The following MGST3 variants were observed in gnomAD, a reference collection of about 807,000 sequenced individuals.
The protein encoded by MGST3 is microsomal glutathione S-transferase 3.
In MGST3, 13 loss-of-function variants were observed where a neutral mutation model predicts 15.8. The observed-to-expected ratio is 0.82, with a 90% CI of 0.54 to 1.31. The LOEUF is 1.31. MGST3 is among the 50% of genes most tolerant of loss of function. The probability of loss-of-function intolerance (pLI) is 0.00; values close to 1 mark genes in which losing one functional copy is unlikely to be tolerated. For missense variants in MGST3, 155 were observed against 192.4 expected, an observed-to-expected ratio of 0.81 and a Z score of 1.15; for synonymous variants, 49 against 68.1, an observed-to-expected ratio of 0.72 and a Z score of 1.38.
rs1648700842 is a variant in MGST3 at position 165,656,121 on chromosome 1, TTAAG to T, written c.*619_*622del. ...AGACCCTGTCTCAAATAAATAAAAA[TTAAG>T]TTTCTATTAAAGATTGTTTCTGTTG... On this transcript the variant is annotated 3_prime_UTR_variant, in exon 6 of 6. Transcript: ENST00000367889. 1 of 152,702 alleles carries T rather than the reference TTAAG, an allele frequency of 6.5e-6. No individual in the cohort carries two copies. Among genetic ancestry groups the T allele is most frequent in the Non-Finnish European group, 1.5e-5 (1 of 68,480 alleles). 9.5% of individuals were successfully genotyped at this position (152,702 alleles called of 1,614,324 possible). A position where few individuals can be genotyped will look rare whatever the true frequency, so the allele number is the denominator to read the frequency against.
rs571635883 is a variant in MGST3, at chr1:165,639,225, G to A, written c.-8+7932G>A. Among the ~76,000 whole-genome samples the A allele has an allele frequency of 4.6e-5, 7 of 152,220 alleles. No homozygotes were observed. The South Asian group carries it at 1.2e-3, about 27-fold the overall frequency. On this transcript the variant is annotated intron_variant, in intron 1 of 5. Coordinates refer to ENST00000367889, the MANE Select transcript of MGST3 (RefSeq NM_004528.4). ...GAACGTTGCAGAGGACTTTCCCCTC[G>A]GTGCTTCCCGTACTGGGGGAAGAGG...
At chr1:165,632,589 A>G (rs989199778) in intron 1 of MGST3, among the ~76,000 whole-genome samples, 1 of 152,226 alleles carries the variant, frequency 6.6e-6, no homozygotes, top group Non-Finnish European at 1.5e-5. Flanking sequence ...CTCCTGACAC[A>G]ATGTTACGGA....
rs539883184 is a variant in MGST3 at position 165,653,055 on chromosome 1, T to C, written c.249+1020T>C. 1.6e-4 allele frequency among the ~76,000 whole-genome samples: 24 copies of C among 152,372 alleles called. No individual in the cohort carries two copies. In the South Asian group the frequency reaches 4.6e-3, roughly 29 times the overall value. ...GTTCATCCTGAATGCCTTGTACTTT[T>C]GTTAAAAAGCTGCCAGAATGGCATA... is the stretch of plus-strand genomic sequence containing the variant. On this transcript the variant is annotated intron_variant, in intron 4 of 5. Transcript: ENST00000367889.
intron 1 of MGST3, chr1:165,632,038 G>T (rs1263584782): frequency 1.8e-6 from 1 of 540,686 alleles, no homozygotes; most frequent in Non-Finnish European, 3.4e-6. Context: ...GGCGGTGGAA[G>T]GCGCTGGAGA....
At chr1:165,646,628 G>C (rs941890158) in intron 1 of MGST3, 1 of 152,210 alleles carries the variant, frequency 6.6e-6, no homozygotes, top group African/African-American at 2.4e-5. Context: ...ACCAGACACT[G>C]TGCCAGATGA....
rs1648692813 is a variant in MGST3 at position 165,655,764 on chromosome 1, AAAGTCT to A, written c.*261_*266del. 2.0e-6 allele frequency: 1 copy of A among 492,702 alleles called. No individual in the cohort carries two copies. Among genetic ancestry groups the A allele is most frequent in the East Asian group, 3.8e-5 (1 of 26,284 alleles). 30.5% of individuals were successfully genotyped at this position (492,702 alleles called of 1,614,324 possible). A position where few individuals can be genotyped will look rare whatever the true frequency, so the allele number is the denominator to read the frequency against. On this transcript the variant is annotated 3_prime_UTR_variant, in exon 6 of 6. Coordinates refer to ENST00000367889, the MANE Select transcript of MGST3 (RefSeq NM_004528.4). ...CTTCTGTAGTATGTGAGGTTGAGAAAAAGTCTGATTGTGGTGATGTAGGTATAGTCA... is the reference window on the plus strand; with the variant it reads ...CTTCTGTAGTATGTGAGGTTGAGAAAGATTGTGGTGATGTAGGTATAGTCA...
At chr1:165,643,181 A>G (rs1350515592) in intron 1 of MGST3, among the ~76,000 whole-genome samples, 1 of 152,102 alleles carries the variant, frequency 6.6e-6, no homozygotes, top group Non-Finnish European at 1.5e-5. Flanking sequence ...CTGTATATTG[A>G]GCCTGTTTTA....
At chr1:165,643,171 C>G (rs1242539545) in intron 1 of MGST3, among the ~76,000 whole-genome samples, 1 of 152,064 alleles carries the variant, frequency 6.6e-6, no homozygotes, top group Non-Finnish European at 1.5e-5. Context: ...ACTCAACCTG[C>G]TGTATATTGA....
chr1:165,652,632 T>A (rs368360008), intron 4 of MGST3, among the ~76,000 whole-genome samples: 10 of 152,120 alleles, frequency 6.6e-5, no homozygotes, highest in Admixed American at 2.0e-4. Context: ...TAAGCAAGTA[T>A]AAAAGGAGGT....
intron 1 of MGST3, chr1:165,631,980 G>A: frequency 4.7e-6 from 2 of 426,436 alleles, no homozygotes; most frequent in Non-Finnish European, 8.5e-6. Context: ...TTCTTTATGT[G>A]GGGTGGCAGC....
intron 4 of MGST3, chr1:165,654,072 C>T: frequency 3.5e-6 from 2 of 566,218 alleles, no homozygotes; most frequent in Admixed American, 5.2e-5. Context: ...CTCCCAGGTC[C>T]ACAAGCCAAG....
chr1:165,655,252 A>C (rs1478893785), intron 5 of MGST3, 116 bp from the exon 6 acceptor site: 8 of 1,347,544 alleles, frequency 5.9e-6, no homozygotes, highest in Non-Finnish European at 8.3e-6. Context: ...TTAACCTCCT[A>C]AGGCCAGTTT....
rs188280692 is a variant in MGST3 at position 165,640,636 on chromosome 1, T to C, written c.-7-9205T>C. On this transcript the variant is annotated intron_variant, in intron 1 of 5. Transcript: ENST00000367889. The stretch of plus-strand genomic sequence containing the variant: ...GACTGAGGTATGTTTTAACAAACTC[T>C]CCAGGTGATTTTAATGCCACCAAAG... Among the ~76,000 whole-genome samples, 611 of 152,256 alleles carry C rather than the reference T, an allele frequency of 4.0e-3. 6 individuals carry two copies. The highest frequency in any genetic ancestry group is 0.014 in the African/African-American group (575 of 41,552).
intron 5 of MGST3, 59 bp from the exon 6 acceptor site, chr1:165,655,309 T>C: frequency 6.2e-7 from 1 of 1,605,192 alleles, no homozygotes; most frequent in African/African-American, 1.3e-5. Context: ...CTTGCGAATG[T>C]TGAAAGCATC....
chr1:165,651,129 TG>T, intron 3 of MGST3, 42 bp downstream of exon 3: 1 of 1,575,272 alleles, frequency 6.3e-7, no homozygotes, highest in Non-Finnish European at 8.7e-7. Context: ...ATCTGCAGAG[TG>T]GGTGTTTTCT....
rs1434110839 is a variant in MGST3 at position 165,641,144 on chromosome 1, C to CTT, written c.-7-8696_-7-8695dup. On this transcript the variant is annotated intron_variant, in intron 1 of 5. Coordinates refer to ENST00000367889, the MANE Select transcript of MGST3 (RefSeq NM_004528.4). ...GTTGCAGTGAGCCTAGATCGTGCCA[C>CTT]TTCACTCTAGCCTGGGGGGAAGAGC... is the stretch of plus-strand genomic sequence containing the variant. Among the ~76,000 whole-genome samples the CTT allele has an allele frequency of 8.5e-5, 13 of 152,260 alleles. No homozygotes were observed. The East Asian group carries it at 1.4e-3, about 16-fold the overall frequency.
At chr1:165,639,216 T>C (rs932510706) in intron 1 of MGST3, among the ~76,000 whole-genome samples, 2 of 152,162 alleles carry the variant, frequency 1.3e-5, no homozygotes, top group Non-Finnish European at 2.9e-5. Context: ...TGCAGAGGAC[T>C]TTCCCCTCGG....
chr1:165,651,133 T>A, intron 3 of MGST3, 46 bp downstream of exon 3: 1 of 1,554,444 alleles, frequency 6.4e-7, no homozygotes, highest in South Asian at 1.1e-5. Flanking sequence ...GCAGAGTGGG[T>A]GTTTTCTGTC....
intron 1 of MGST3, among the ~76,000 whole-genome samples, chr1:165,636,057 TCAAA>T (rs796240008): frequency 1.3e-5 from 2 of 152,348 alleles, no homozygotes; most frequent in Admixed American, 6.5e-5. Flanking sequence ...GGTTTGGCGC[TCAAA>T]CAGATTTTAG....
Sources: allele counts gnomAD v4.1 joint callset (sites outside exome capture counted in the v4.1 genomes callset), GRCh38; gene constraint gnomAD v4.1.1; transcripts MANE v1.5; gene names NCBI Gene and HGNC (gene_info 2026-07-23, HGNC 2026-07-21).